Variants in ANO4 observed in about 807,000 individuals in gnomAD.
The protein encoded by ANO4 is anoctamin-4.
ANO4 carries 69 observed loss-of-function variants against 141.9 expected under a neutral mutation model. That is an observed-to-expected ratio of 0.49 (90% confidence interval 0.40 to 0.59). The LOEUF (loss-of-function observed/expected upper bound fraction) is 0.59, where lower values mean the gene tolerates loss of function less well. ANO4 is among the 20% of genes least tolerant of loss of function. ANO4 has a pLI of 0.00. For synonymous variants in ANO4, 350 were observed against 394.3 expected, an observed-to-expected ratio of 0.89 and a Z score of 1.33; for missense variants, 894 against 1,162.2, an observed-to-expected ratio of 0.77 and a Z score of 3.36.
chr12:100,964,180 T>C (rs2043547537), intron 5 of ANO4, among the ~76,000 whole-genome samples: 1 of 152,204 alleles, frequency 6.6e-6, no homozygotes, highest in Non-Finnish European at 1.5e-5. Flanking sequence ...AGCAAATACA[T>C]AGTGTGAGCC....
chr12:101,030,272 A>G (rs1403089647), intron 9 of ANO4, among the ~76,000 whole-genome samples: 2 of 152,216 alleles, frequency 1.3e-5, no homozygotes, highest in Non-Finnish European at 2.9e-5. Flanking sequence ...ATGATAACAA[A>G]CAGTCTCTCA....
chr12:100,892,034 A>G (rs821862), intron 1 of ANO4, among the ~76,000 whole-genome samples: 47,147 of 151,990 alleles, frequency 0.31, 7,526 homozygotes, highest in East Asian at 0.53. Flanking sequence ...ATTTTACTTA[A>G]TGTCCTCCAG....
At chr12:100,743,977 C>T (rs1046474397) in intron 3 of ANO4, among the ~76,000 whole-genome samples, 6 of 152,110 alleles carry the variant, frequency 3.9e-5, no homozygotes, top group South Asian at 2.1e-4. Context: ...CTACCACCTC[C>T]GCCTCACAAC....
chr12:101,079,865 C>G (rs891695273), intron 15 of ANO4, among the ~76,000 whole-genome samples: 2 of 152,198 alleles, frequency 1.3e-5, no homozygotes, highest in African/African-American at 4.8e-5. Context: ...CTAGGCCAGT[C>G]CGTTGTTCTC....
intron 3 of ANO4, among the ~76,000 whole-genome samples, chr12:100,931,561 T>C (rs1285383556): frequency 6.6e-6 from 1 of 152,196 alleles, no homozygotes; most frequent in Non-Finnish European, 1.5e-5. Flanking sequence ...GGCTTCTTTA[T>C]AATAATACTT....
intron 8 of ANO4, among the ~76,000 whole-genome samples, chr12:101,004,886 A>T (rs979571992): frequency 6.6e-6 from 1 of 152,154 alleles, no homozygotes; most frequent in African/African-American, 2.4e-5. Flanking sequence ...AAGATGGTGG[A>T]GGGCCAAAAA....
intron 1 of ANO4, among the ~76,000 whole-genome samples, chr12:100,893,414 A>G (rs821859): frequency 0.96 from 145,512 of 152,052 alleles, 69,660 homozygotes; most frequent in East Asian, 1. Context: ...TTTTGTTCAG[A>G]GTTTTTTCAG....
chr12:101,007,804 T>A (rs1297984174), intron 8 of ANO4, among the ~76,000 whole-genome samples: 1 of 152,112 alleles, frequency 6.6e-6, no homozygotes, highest in Non-Finnish European at 1.5e-5. Context: ...ACTGCAGCCT[T>A]GAAATCCTGG....
intron 1 of ANO4, among the ~76,000 whole-genome samples, chr12:100,875,537 A>G (rs1234153698): frequency 6.6e-6 from 1 of 152,242 alleles, no homozygotes; most frequent in African/African-American, 2.4e-5. Flanking sequence ...CACATTATCT[A>G]TAACTGCCCC....
intron 1 of ANO4, among the ~76,000 whole-genome samples, chr12:100,843,964 G>A (rs2037417417): frequency 2.0e-5 from 3 of 152,100 alleles, no homozygotes; most frequent in African/African-American, 2.4e-5. Context: ...AAGTCAAGAC[G>A]ATGCATGTCA....
At chr12:100,974,736 C>T in intron 6 of ANO4, 109 bp from the exon 7 acceptor site, 1 of 1,192,788 alleles carries the variant, frequency 8.4e-7, no homozygotes, top group Non-Finnish European at 1.3e-6. Flanking sequence ...TTTTCTTCTT[C>T]ACCTCTTACA....
intron 3 of ANO4, among the ~76,000 whole-genome samples, chr12:100,776,788 G>T (rs1378175862): frequency 2.0e-5 from 3 of 152,158 alleles, no homozygotes; most frequent in Non-Finnish European, 4.4e-5. Context: ...CTTTTACAAA[G>T]ACTTCCTTCT....
At chr12:101,048,050 T>G in intron 13 of ANO4, 1 of 1,180,066 alleles carries the variant, frequency 8.5e-7, no homozygotes. Context: ...GTATAAGAGT[T>G]TTGTTGTGCA....
At chr12:101,086,464 A>T (rs1203215456) in intron 16 of ANO4, among the ~76,000 whole-genome samples, 196 bp from the exon 17 acceptor site, 1 of 152,082 alleles carries the variant, frequency 6.6e-6, no homozygotes, top group Non-Finnish European at 1.5e-5. Context: ...TAGTTCTTTT[A>T]TTTTAATTAA....
chr12:100,893,310 T>C (rs1304047551), intron 1 of ANO4, among the ~76,000 whole-genome samples: 1 of 151,988 alleles, frequency 6.6e-6, no homozygotes, highest in Non-Finnish European at 1.5e-5. Context: ...CATTTTCACC[T>C]TATGGAGACC....
At chr12:101,086,510 C>A in intron 16 of ANO4, 150 bp from the exon 17 acceptor site, 1 of 796,660 alleles carries the variant, frequency 1.3e-6, no homozygotes, top group South Asian at 1.8e-5. Flanking sequence ...GTATTAACCA[C>A]AATGAAAAGT....
At chr12:100,805,824 G>T (rs909441989) in intron 1 of ANO4, among the ~76,000 whole-genome samples, 2 of 151,934 alleles carry the variant, frequency 1.3e-5, no homozygotes, top group African/African-American at 4.8e-5. Flanking sequence ...ATTATAATTT[G>T]GAATTTACTT....
At chr12:100,959,559 C>G (rs201120284) in intron 5 of ANO4, among the ~76,000 whole-genome samples, 2 of 152,188 alleles carry the variant, frequency 1.3e-5, no homozygotes, top group Non-Finnish European at 2.9e-5. Context: ...CACCATTTCA[C>G]AGAAACCCCT....
At chr12:100,976,672 G>A (rs1248542732) in intron 7 of ANO4, among the ~76,000 whole-genome samples, 1 of 152,144 alleles carries the variant, frequency 6.6e-6, no homozygotes, top group African/African-American at 2.4e-5. Flanking sequence ...GTCACGGGAC[G>A]ATGTTTTGGA....
Sources: gnomAD v4.1 joint callset for allele counts (sites outside exome capture counted in the v4.1 genomes callset) on GRCh38, gnomAD v4.1.1 for gene constraint, MANE v1.5 for transcripts, NCBI Gene and HGNC (gene_info 2026-07-23, HGNC 2026-07-21) for gene names.